Variants in VPS54 observed in about 807,000 individuals in gnomAD.
VPS54 encodes the protein VPS54 subunit of GARP complex.
A neutral mutation model predicts 121.5 loss-of-function variants in VPS54; 45 were observed. The ratio of observed to expected loss-of-function variants is 0.37; its 90% CI spans 0.29 to 0.47. The LOEUF (loss-of-function observed/expected upper bound fraction) is 0.47. Among genes scored for constraint, VPS54 ranks in the 20% least tolerant of loss-of-function variants. The pLI, the probability that VPS54 is intolerant of heterozygous loss-of-function variation, is 0.99. For synonymous variants in VPS54, 371 were observed against 385.8 expected (o/e 0.96, Z 0.45); for missense variants, 1,090 against 1,131.4 (o/e 0.96, Z 0.52).
chr2:63,985,396 A>G (rs1456565013), intron 1 of VPS54, among the ~76,000 whole-genome samples: 1 of 152,202 alleles, frequency 6.6e-6, no homozygotes, highest in Non-Finnish European at 1.5e-5. Flanking sequence ...CATCTGTTCT[A>G]ACTTCCCTCT....
chr2:63,957,441 C>CAAAA lies in VPS54; in HGVS notation c.1010+4613_1010+4616dup, dbSNP rs10551633. On this transcript the variant is annotated intron_variant, in intron 7 of 22. Coordinates refer to ENST00000272322, the MANE Select transcript of VPS54 (RefSeq NM_016516.3). Reference sequence around the variant, plus strand: ...TGGGCAACAGAGCAAGACTCCATCTCAAAAAAAAAAAAAAAAAAAATTTAT... The same window carrying CAAAA: ...TGGGCAACAGAGCAAGACTCCATCTCAAAAAAAAAAAAAAAAAAAAAAAATTTAT... Among the ~76,000 whole-genome samples the CAAAA allele has an allele frequency of 1.2e-4, 11 of 90,122 alleles. No individual in the cohort carries two copies. The South Asian group carries it at 3.3e-3, about 27-fold the overall frequency. The allele number at this position is 90,122 out of a possible 152,430, so 59.1% of individuals were successfully genotyped here.
intron 12 of VPS54, among the ~76,000 whole-genome samples, chr2:63,929,704 T>TC (rs1491095393): frequency 4.8e-5 from 6 of 126,170 alleles, no homozygotes; most frequent in Non-Finnish European, 8.9e-5. Context: ...AAAAAACCCT[T>TC]CAAAAAAAAA....
intron 20 of VPS54, among the ~76,000 whole-genome samples, chr2:63,910,430 A>G (rs1323312047): frequency 6.6e-6 from 1 of 152,218 alleles, no homozygotes; most frequent in Non-Finnish European, 1.5e-5. Flanking sequence ...CAATCTGTGA[A>G]CCGTGTAGAA....
intron 17 of VPS54, among the ~76,000 whole-genome samples, chr2:63,913,541 G>T (rs900108775): frequency 1.3e-5 from 2 of 152,038 alleles, no homozygotes; most frequent in Admixed American, 1.3e-4. Context: ...CTAAAAATCA[G>T]TTCGCAGAAA....
At chr2:63,959,875 G>C (rs1469069197) in intron 7 of VPS54, among the ~76,000 whole-genome samples, 5 of 152,014 alleles carry the variant, frequency 3.3e-5, no homozygotes, top group African/African-American at 1.2e-4. Flanking sequence ...ACAAAAATTA[G>C]CTGGGCACAG....
rs1678849426 is a variant in VPS54 at position 64,018,984 on chromosome 2, C to T, written c.-67G>A. On this transcript the variant is annotated 5_prime_UTR_variant, in exon 1 of 23. Coordinates refer to ENST00000272322, the MANE Select transcript of VPS54 (RefSeq NM_016516.3). ...CCCTGAGCGAGGCCTAGTGCATCGC[C>T]GCCGCCTCCAGCCCTCCACGTCGCA... The T allele has an allele frequency of 2.0e-5, 3 of 151,732 alleles. No homozygotes were observed. In the South Asian group the frequency reaches 5.7e-4, roughly 29 times the overall value. The allele number at this position is 151,732 out of a possible 1,614,324, so 9.4% of individuals were successfully genotyped here. A position where few individuals can be genotyped will look rare whatever the true frequency, so the allele number is the denominator to read the frequency against.
rs1252302134 is a variant in VPS54 at position 63,919,879 on chromosome 2, A to G, written c.2164+4T>C. The G allele has an allele frequency of 6.2e-7, 1 of 1,605,102 alleles. No homozygotes were observed. Among genetic ancestry groups the G allele is most frequent in the Non-Finnish European group, 8.5e-7 (1 of 1,173,844 alleles). The stretch of plus-strand genomic sequence containing the variant: ...AAAGAGAATGTGTGAATGAATACAC[A>G]TACCTCCTGATTTTTTTTCAGGTAA... On this transcript the variant is annotated splice_donor_region_variant and intron_variant, in intron 15 of 22. Transcript: ENST00000272322.
In VPS54 at chr2:63,914,218, A is replaced by C. The variant is rs1308778762; in HGVS notation, c.2298T>G (p.Thr766=). The change falls in exon 17 of 23, where the codon ACT becomes ACG. Residue 766 remains threonine (T), a synonymous_variant. Transcript: ENST00000272322. ...CTGACAGACGAGTAAGCATGTCAGT[A>C]GTAACAGATGGGATGTTATCCACAC... ...CQCVDNIPSV[T]TDMLTRLSDL... is the part of the protein sequence containing the mutation. 1 of 1,613,796 alleles carries C rather than the reference A, an allele frequency of 6.2e-7. No homozygotes were observed. The highest frequency in any genetic ancestry group is 2.2e-5 in the East Asian group (1 of 44,862).
rs143613017 is a variant in VPS54, at chr2:63,977,387, A to T, written c.378+4259T>A. Among the ~76,000 whole-genome samples the T allele has an allele frequency of 6.8e-4, 104 of 152,360 alleles. 2 individuals are homozygous for T. The East Asian group carries it at 0.019, about 28-fold the overall frequency. On this transcript the variant is annotated intron_variant, in intron 3 of 22. Transcript: ENST00000272322. ...TAAATGAAGCCTTCAGTGCTTATTT[A>T]AGCAAGACTTCCTTGAAGCCTTACT... is the stretch of plus-strand genomic sequence containing the variant.
intron 17 of VPS54, chr2:63,913,973 G>T: frequency 7.8e-7 from 1 of 1,283,898 alleles, no homozygotes. Context: ...ACAACTCTAT[G>T]GGTGAATGAG....
intron 1 of VPS54, among the ~76,000 whole-genome samples, chr2:63,989,966 A>G (rs911518801): frequency 3.9e-5 from 6 of 152,260 alleles, no homozygotes; most frequent in African/African-American, 1.4e-4. Context: ...AAAGGGAACC[A>G]TATGTAAAAG....
intron 11 of VPS54, among the ~76,000 whole-genome samples, chr2:63,939,872 T>C (rs1265501607): frequency 2.6e-5 from 4 of 152,064 alleles, no homozygotes; most frequent in African/African-American, 7.2e-5. Flanking sequence ...GTGATTCTCC[T>C]GCCTCAGCCT....
At chr2:63,905,113 A>C (rs1194645318) in intron 20 of VPS54, among the ~76,000 whole-genome samples, 1 of 152,206 alleles carries the variant, frequency 6.6e-6, no homozygotes, top group Non-Finnish European at 1.5e-5. Context: ...GAAAGGTCTC[A>C]AATCAAAAAT....
chr2:63,984,264 G>T (rs533599636), intron 1 of VPS54, among the ~76,000 whole-genome samples: 1 of 152,198 alleles, frequency 6.6e-6, no homozygotes, highest in African/African-American at 2.4e-5. Context: ...AAAATACCAA[G>T]GTTGTACCCA....
intron 2 of VPS54, among the ~76,000 whole-genome samples, chr2:63,983,182 G>A (rs977508139): frequency 6.2e-5 from 9 of 144,316 alleles, no homozygotes; most frequent in African/African-American, 2.3e-4. Context: ...AAACAGTCTC[G>A]TTCTGTCACC....
chr2:63,928,034 T>C (rs994179880), intron 12 of VPS54, among the ~76,000 whole-genome samples: 4 of 152,190 alleles, frequency 2.6e-5, no homozygotes, highest in African/African-American at 9.7e-5. Flanking sequence ...AATCTACGTT[T>C]GATTGGTGTA....
chr2:63,976,112 C>T (rs995049344), intron 3 of VPS54, among the ~76,000 whole-genome samples: 4 of 151,974 alleles, frequency 2.6e-5, no homozygotes, highest in African/African-American at 9.7e-5. Context: ...ATAGCCAACA[C>T]GGGCAGACTG....
chr2:63,987,118 G>T (rs544624388), intron 1 of VPS54, among the ~76,000 whole-genome samples: 3 of 152,174 alleles, frequency 2.0e-5, no homozygotes, highest in African/African-American at 7.2e-5. Flanking sequence ...GTGCTTGTGG[G>T]GTATTTATTC....
intron 1 of VPS54, among the ~76,000 whole-genome samples, chr2:64,005,831 C>T (rs999132489): frequency 3.3e-5 from 5 of 152,186 alleles, no homozygotes; most frequent in African/African-American, 9.7e-5. Flanking sequence ...CACAGATTCC[C>T]TGAATTCTAC....
Sources: gnomAD v4.1 joint callset for allele counts (sites outside exome capture counted in the v4.1 genomes callset) on GRCh38, gnomAD v4.1.1 for gene constraint, MANE v1.5 for transcripts, NCBI Gene and HGNC (gene_info 2026-07-23, HGNC 2026-07-21) for gene names.